The following ZNF285 variants were observed in gnomAD, a reference collection of about 807,000 sequenced individuals.
ZNF285 encodes the protein zinc finger protein 285A.
ZNF285 carries 4 observed loss-of-function variants against 6.2 expected under a neutral mutation model. The ratio of observed to expected loss-of-function variants is 0.65; its 90% CI spans 0.32 to 1.49. The LOEUF is 1.49. Ranked by LOEUF, ZNF285 falls within the 40% of genes most tolerant of loss-of-function variation. The pLI is 0.07. For missense variants in ZNF285, 695 were observed against 708.8 expected (o/e 0.98, Z 0.22); for synonymous variants, 240 against 245.8 (o/e 0.98, Z 0.22).
chr19:44,394,562 A>G (rs559914922), intron 2 of ZNF285: 6 of 591,914 alleles, frequency 1.0e-5, no homozygotes, highest in Non-Finnish European at 8.9e-6. Flanking sequence ...GTTGGAAAGA[A>G]GAAAAGAAAA....
chr19:44,392,982 T>G (rs114646296), intron 2 of ZNF285, among the ~76,000 whole-genome samples: 1 of 152,250 alleles, frequency 6.6e-6, no homozygotes, highest in South Asian at 2.1e-4. Context: ...ACTAAAAGCA[T>G]TGGCTCCTAG....
chr19:44,400,115 G>A (rs1375970055), intron 1 of ZNF285, among the ~76,000 whole-genome samples: 3 of 150,440 alleles, frequency 2.0e-5, no homozygotes, highest in Admixed American at 2.0e-4. Flanking sequence ...AGACAGCAGG[G>A]TGGAAAAGGT....
rs766969013 is a variant in ZNF285, at chr19:44,387,019, A to C, written c.1226T>G (p.Phe409Cys). The part of the protein sequence containing the change: ...PYKCSECGKC[F>C]SSSSVLQVHW... ...GACTTGAAGAACGGAGCTTGAACTA[A>C]AGCACTTGCCACACTCACTGCATTT... Residue 409 changes from phenylalanine (F) to cysteine (C), a missense_variant, in exon 4 of 4, where the codon TTT (phenylalanine) becomes TGT (cysteine). By Grantham distance (205) the Phe-to-Cys change is radical (BLOSUM62 -2). Transcript: ENST00000614994. The C allele has an allele frequency of 2.3e-5, 37 of 1,613,952 alleles. No homozygotes were observed. Among genetic ancestry groups the C allele is most frequent in the Non-Finnish European group, 3.0e-5 (35 of 1,180,020 alleles).
intron 1 of ZNF285, 38 bp from the exon 2 acceptor site, chr19:44,397,294 A>C: frequency 6.2e-7 from 1 of 1,607,920 alleles, no homozygotes; most frequent in Non-Finnish European, 8.5e-7. Context: ...CATGGGTTCA[A>C]CAAGTTGTGA....
At chr19:44,397,981 T>C (rs1255545433) in intron 1 of ZNF285, among the ~76,000 whole-genome samples, 1 of 151,974 alleles carries the variant, frequency 6.6e-6, no homozygotes, top group Non-Finnish European at 1.5e-5. Context: ...GACTTGATCT[T>C]GTATGGCCAA....
intron 2 of ZNF285, among the ~76,000 whole-genome samples, chr19:44,394,029 G>A (rs1280783985): frequency 1.3e-5 from 2 of 152,062 alleles, no homozygotes; most frequent in African/African-American, 4.8e-5. Context: ...AACAACGATA[G>A]ACTGGATTAA....
chr19:44,392,108 G>A (rs878954082), intron 3 of ZNF285: 2 of 1,323,604 alleles, frequency 1.5e-6, no homozygotes, highest in Non-Finnish European at 1.9e-6. Context: ...TGCACTGAAT[G>A]CCCACAGGCC....
intron 1 of ZNF285, among the ~76,000 whole-genome samples, chr19:44,399,020 T>C (rs896026515): frequency 1.6e-4 from 25 of 152,090 alleles, no homozygotes; most frequent in African/African-American, 5.8e-4. Context: ...TAAAGCCCAA[T>C]TGTTATTATT....
Position 44,386,426 on chromosome 19 carries a change from TAC to T in ZNF285, c.*44_*45del, listed in dbSNP as rs749046368. ...CTGAGTAAGCCTCTATCATCTGGAA[TAC>T]AGTGTGGCTTCTGTTTTACTAATTG... On this transcript the variant is annotated 3_prime_UTR_variant, in exon 4 of 4. Transcript: ENST00000614994. 4 of 1,571,590 alleles carry T rather than the reference TAC, an allele frequency of 2.5e-6. No homozygotes were observed. The highest frequency in any genetic ancestry group is 1.2e-5 in the South Asian group (1 of 83,946).
chr19:44,395,310 C>T (rs2722647), intron 2 of ZNF285, among the ~76,000 whole-genome samples: 49,764 of 151,944 alleles, frequency 0.33, 11,550 homozygotes, highest in East Asian at 0.75. Context: ...GAGTAACACA[C>T]TGAAAGACAC....
chr19:44,387,212 T>G lies in ZNF285; in HGVS notation c.1033A>C (p.Lys345Gln). ...HRVHTGEMPY[K>Q]CDECGKGFGF... The stretch of plus-strand genomic sequence containing the variant: ...AACCCTTTCCCACATTCATCGCATT[T>G]GTAGGGCATCTCCCCTGTGTGGACT... Residue 345 changes from lysine (K) to glutamine (Q), a missense_variant, in exon 4 of 4, where the codon AAA (lysine) becomes CAA (glutamine). Transcript: ENST00000614994. 1 of 1,614,120 alleles carries G rather than the reference T, an allele frequency of 6.2e-7. No individual in the cohort carries two copies. The highest frequency in any genetic ancestry group is 8.5e-7 in the Non-Finnish European group (1 of 1,180,012).
chr19:44,386,766 G>A lies in ZNF285; in HGVS notation c.1479C>T (p.Phe493=), dbSNP rs779768389. The change falls in exon 4 of 4, where the codon TTC becomes TTT. Residue 493 remains phenylalanine, a synonymous_variant. Transcript: ENST00000614994. ...PYKCEVCGKC[F]SYSSYFHLHQ... ...GTAAGTGAAAATATGAACTGTAACT[G>A]AAGCACTTTCCACACACTTCACATT... 20 of 1,614,050 alleles carry A rather than the reference G, an allele frequency of 1.2e-5. No homozygotes were observed. The highest frequency in any genetic ancestry group is 3.3e-5 in the Admixed American group (2 of 59,990).
intron 2 of ZNF285, among the ~76,000 whole-genome samples, chr19:44,395,124 T>C (rs760966993): frequency 2.0e-5 from 3 of 152,146 alleles, no homozygotes; most frequent in Non-Finnish European, 4.4e-5. Flanking sequence ...GCGATTGTCA[T>C]AGGATGCAGA....
At chr19:44,401,274 G>A (rs892594) in intron 1 of ZNF285, 23,965 of 152,534 alleles carry the variant, frequency 0.16, 2,447 homozygotes, top group East Asian at 0.42. Context: ...TTCGACCCGA[G>A]GAGGCACAGC....
At chr19:44,401,517 T>C (rs2722659) in intron 1 of ZNF285, 51 bp downstream of exon 1, 61,008 of 152,318 alleles carry the variant, frequency 0.4, 16,337 homozygotes, top group East Asian at 0.77. Context: ...CATCCTACAC[T>C]CCTACTCCTG....
Position 44,387,827 on chromosome 19 carries a change from T to C in ZNF285, c.418A>G (p.Ser140Gly), listed in dbSNP as rs765085331. 1.9e-6 allele frequency: 3 copies of C among 1,613,990 alleles called. No homozygotes were observed. Among genetic ancestry groups the C allele is most frequent in the Non-Finnish European group, 2.5e-6 (3 of 1,179,858 alleles). Residue 140 changes from serine (S) to glycine (G), a missense_variant, in exon 4 of 4, where the codon AGC (serine) becomes GGC (glycine). Ser to Gly is a moderately conservative substitution (Grantham distance 56). Coordinates refer to ENST00000614994, the MANE Select transcript of ZNF285 (RefSeq NM_152354.6). ...IKNQDITAWQ[S>G]LTQVLTPESW... is the part of the protein sequence containing the mutation. ...TCTGGGGTAAGAACCTGTGTCAGGC[T>C]TTGCCATGCTGTGATATCTTGATTT...
In ZNF285 at chr19:44,387,132, G is replaced by A; in HGVS notation, c.1113C>T (p.Pro371=). ...IHQGVHTGKK[P]YKCEECGKGF... is the part of the protein sequence containing the mutation. ...CCTTCCCACACTCTTCACATTTATAGGGCTTTTTCCCTGTGTGTACTCCCT... is the reference window on the plus strand; with the variant it reads ...CCTTCCCACACTCTTCACATTTATAAGGCTTTTTCCCTGTGTGTACTCCCT... Residue 371 remains proline (P), a synonymous_variant, in exon 4 of 4, where the codon CCC becomes CCT. Coordinates refer to ENST00000614994, the MANE Select transcript of ZNF285 (RefSeq NM_152354.6). 1 of 1,613,850 alleles carries A rather than the reference G, an allele frequency of 6.2e-7. No individual in the cohort carries two copies. The highest frequency in any genetic ancestry group is 8.5e-7 in the Non-Finnish European group (1 of 1,179,972).
chr19:44,388,020 C>A lies in ZNF285; in HGVS notation c.225G>T (p.Gln75His), dbSNP rs763818931. ...AATCCCGGATCCTTTGTTTCCAAAT[C>A]TGCCAGCAATGAAGCACTTCTTGCG... ...YLSQEVLHCW[Q>H]IWKQRIRDLT... Residue 75 changes from glutamine (Q) to histidine (H), a missense_variant, in exon 4 of 4, where the codon CAG (glutamine) becomes CAT (histidine). Transcript: ENST00000614994. 34 of 1,614,030 alleles carry A rather than the reference C, an allele frequency of 2.1e-5. 1 individual carries two copies. In the Middle Eastern group the frequency reaches 8.2e-4, roughly 39 times the overall value.
chr19:44,393,326 G>A (rs550547429), intron 2 of ZNF285, among the ~76,000 whole-genome samples: 4 of 152,130 alleles, frequency 2.6e-5, no homozygotes, highest in African/African-American at 7.2e-5. Context: ...CTATTCTTTC[G>A]TTTTCCTGAT....
Sources: gnomAD v4.1 joint callset for allele counts (sites outside exome capture counted in the v4.1 genomes callset) on GRCh38, gnomAD v4.1.1 for gene constraint, MANE v1.5 for transcripts, NCBI Gene and HGNC (gene_info 2026-07-23, HGNC 2026-07-21) for gene names.